The following CCDC63 variants were observed in gnomAD, a reference collection of about 807,000 sequenced individuals.
CCDC63 encodes coiled-coil domain-containing protein 63.
In CCDC63, 54 loss-of-function variants were observed where a neutral mutation model predicts 63.6. That is an observed-to-expected ratio of 0.85 (90% CI 0.68 to 1.07). The LOEUF (loss-of-function observed/expected upper bound fraction) is 1.07. Among genes scored for constraint, CCDC63 ranks in the 50% least tolerant of loss-of-function variants. The probability of loss-of-function intolerance (pLI) is 0.00; values close to 1 mark genes in which losing one functional copy is unlikely to be tolerated. For synonymous variants in CCDC63, 253 were observed against 266.1 expected (o/e 0.95, Z 0.48); for missense variants, 637 against 689.6 (o/e 0.92, Z 0.86).
chr12:110,864,450 G>A (rs1956017254), intron 4 of CCDC63, among the ~76,000 whole-genome samples: 2 of 151,018 alleles, frequency 1.3e-5, no homozygotes, highest in South Asian at 2.1e-4. Context: ...GAGACTGGGC[G>A]CCGTGACTCA....
At chr12:110,904,237 A>G (rs2071528222) in intron 10 of CCDC63, among the ~76,000 whole-genome samples, 1 of 151,954 alleles carries the variant, frequency 6.6e-6, no homozygotes, top group Non-Finnish European at 1.5e-5. Context: ...AGCTACTCGG[A>G]AGACTGAAGC....
intron 5 of CCDC63, among the ~76,000 whole-genome samples, chr12:110,876,422 C>A (rs2071131182): frequency 2.6e-5 from 4 of 152,126 alleles, no homozygotes; most frequent in Admixed American, 2.6e-4. Context: ...TCAGGAACAC[C>A]CAGAGCTCAG....
intron 9 of CCDC63, among the ~76,000 whole-genome samples, chr12:110,896,416 A>G (rs1195274867): frequency 6.6e-6 from 1 of 152,160 alleles, no homozygotes; most frequent in Non-Finnish European, 1.5e-5. Flanking sequence ...TGGTTGAGAG[A>G]CTGAGCTCAA....
At chr12:110,881,717 C>T (rs78665040) in intron 7 of CCDC63, among the ~76,000 whole-genome samples, 82 of 147,474 alleles carry the variant, frequency 5.6e-4, no homozygotes, top group African/African-American at 2.0e-3. Context: ...ATAAGACTCT[C>T]AAAAAAAAAA....
chr12:110,898,814 C>T, intron 9 of CCDC63, 119 bp from the exon 10 acceptor site: 1 of 570,758 alleles, frequency 1.8e-6, no homozygotes, highest in Non-Finnish European at 3.0e-6. Context: ...TTTAATTGAT[C>T]TCGTGTCCCC....
rs774187392 is a variant in CCDC63, at chr12:110,904,772, C to G, written c.1527C>G (p.Phe509Leu). ...CCCCAGTGCTGGGGGCTGACCCCTT[C>G]AGCGACAGGTTGGATGATGGTGAGT... ...VIPPVLGADP[F>L]SDRLDDVEQP... Residue 509 changes from phenylalanine (F) to leucine (L), a missense_variant, in exon 11 of 12, where the codon TTC becomes TTG. By Grantham distance (22) the Phe-to-Leu change is conservative. Coordinates refer to ENST00000308208, the MANE Select transcript of CCDC63 (RefSeq NM_152591.3). 1.2e-5 allele frequency: 19 copies of G among 1,609,682 alleles called. No individual in the cohort carries two copies. The highest frequency in any genetic ancestry group is 1.5e-5 in the Non-Finnish European group (18 of 1,178,308).
intron 4 of CCDC63, among the ~76,000 whole-genome samples, chr12:110,859,361 C>T (rs1236712251): frequency 6.6e-6 from 1 of 151,728 alleles, no homozygotes; most frequent in African/African-American, 2.4e-5. Context: ...GGCTGGAATG[C>T]AGTGGTGCAA....
At chr12:110,899,763 G>A (rs569021625) in intron 10 of CCDC63, among the ~76,000 whole-genome samples, 1 of 150,540 alleles carries the variant, frequency 6.6e-6, no homozygotes, top group Admixed American at 6.7e-5. Context: ...TTAAATAAAT[G>A]TATAGTTATT....
chr12:110,860,780 G>T (rs1375495579), intron 4 of CCDC63, among the ~76,000 whole-genome samples: 1 of 152,068 alleles, frequency 6.6e-6, no homozygotes, highest in Non-Finnish European at 1.5e-5. Flanking sequence ...GTACAGACGG[G>T]GTTTCACCAT....
chr12:110,848,437 C>A (rs141928539), intron 1 of CCDC63, among the ~76,000 whole-genome samples: 1 of 152,034 alleles, frequency 6.6e-6, no homozygotes, highest in African/African-American at 2.4e-5. Context: ...GGGCACTGAT[C>A]GAAAGGGAAA....
At chr12:110,861,851 G>A (rs2070858495) in intron 4 of CCDC63, among the ~76,000 whole-genome samples, 1 of 151,692 alleles carries the variant, frequency 6.6e-6, no homozygotes, top group Non-Finnish European at 1.5e-5. Context: ...GATTACAGGT[G>A]TGAGCCACTG....
rs956730529 is a variant in CCDC63 at position 110,888,125 on chromosome 12, T to G, written c.1074+3875T>G. Among the ~76,000 whole-genome samples, 6 of 152,030 alleles carry G rather than the reference T, an allele frequency of 3.9e-5. No homozygotes were observed. In the East Asian group the frequency reaches 1.2e-3, roughly 29 times the overall value. ...ACAGAGACCAGCCAGGCTGAAGTGC[T>G]CCAGGGCCCGCAGAGCTTAGCGGGC... is the stretch of plus-strand genomic sequence containing the variant. On this transcript the variant is annotated intron_variant, in intron 8 of 11. Coordinates refer to ENST00000308208, the MANE Select transcript of CCDC63 (RefSeq NM_152591.3).
intron 4 of CCDC63, among the ~76,000 whole-genome samples, chr12:110,863,646 T>G (rs960763710): frequency 2.0e-5 from 3 of 151,720 alleles, no homozygotes; most frequent in Non-Finnish European, 2.9e-5. Context: ...GTTCAAGCAG[T>G]TCTCCTGCCT....
At chr12:110,887,641 T>A (rs890741558) in intron 8 of CCDC63, among the ~76,000 whole-genome samples, 19 of 152,064 alleles carry the variant, frequency 1.2e-4, no homozygotes, top group South Asian at 8.3e-4. Context: ...AATTTTTTTT[T>A]AATTAAAAAC....
intron 5 of CCDC63, among the ~76,000 whole-genome samples, chr12:110,876,889 A>T (rs2136689818): frequency 6.6e-6 from 1 of 151,346 alleles, no homozygotes; most frequent in Non-Finnish European, 1.5e-5. Flanking sequence ...CAAAAAAAAA[A>T]AAAAAATAGC....
chr12:110,900,934 G>A (rs1244375069), intron 10 of CCDC63, among the ~76,000 whole-genome samples: 2 of 152,070 alleles, frequency 1.3e-5, no homozygotes, highest in African/African-American at 2.4e-5. Flanking sequence ...TGTTTGGGAG[G>A]TTCCCCAAAC....
intron 7 of CCDC63, 57 bp from the exon 8 acceptor site, chr12:110,883,973 C>T: frequency 2.2e-6 from 3 of 1,333,546 alleles, no homozygotes; most frequent in Non-Finnish European, 3.2e-6. Flanking sequence ...GTCTGCCTGG[C>T]ACGGATCTGA....
intron 4 of CCDC63, among the ~76,000 whole-genome samples, chr12:110,871,564 C>CTT (rs1412580886): frequency 1.6e-4 from 22 of 137,402 alleles, no homozygotes; most frequent in Non-Finnish European, 1.3e-4. Flanking sequence ...TCCTTCCTTC[C>CTT]TTTTTTTTTT....
intron 8 of CCDC63, among the ~76,000 whole-genome samples, chr12:110,891,536 G>C (rs777711124): frequency 6.8e-6 from 1 of 146,636 alleles, no homozygotes; most frequent in East Asian, 2.0e-4. Flanking sequence ...GGTCCCAACT[G>C]CTTGAGAGGC....
Sources: allele counts gnomAD v4.1 joint callset (sites outside exome capture counted in the v4.1 genomes callset), GRCh38; gene constraint gnomAD v4.1.1; transcripts MANE v1.5; gene names NCBI Gene and HGNC (gene_info 2026-07-23, HGNC 2026-07-21).